Variants in PARD3B observed in about 807,000 individuals in gnomAD.
PARD3B encodes partitioning defective 3 homolog B.
Under a neutral mutation model 130.2 loss-of-function variants are expected in PARD3B, and 103 were observed. The ratio of observed to expected loss-of-function variants is 0.79; its 90% CI spans 0.67 to 0.93. The LOEUF is 0.93. Ranked by LOEUF, PARD3B falls within the 40% of genes least tolerant of loss-of-function variation. The pLI is 0.00. For missense variants in PARD3B, 1,609 were observed against 1,499.2 expected, an observed-to-expected ratio of 1.07 and a Z score of -1.21; for synonymous variants, 583 against 553.2, an observed-to-expected ratio of 1.05 and a Z score of -0.76.
intron 2 of PARD3B, among the ~76,000 whole-genome samples, chr2:204,955,417 C>A (rs549547889): frequency 9.9e-5 from 15 of 152,126 alleles, no homozygotes; most frequent in Admixed American, 7.2e-4. Context: ...TGCATAGGAA[C>A]GTATGTGGCA....
At chr2:205,024,822 G>T (rs902357971) in intron 3 of PARD3B, among the ~76,000 whole-genome samples, 3 of 152,156 alleles carry the variant, frequency 2.0e-5, no homozygotes, top group Non-Finnish European at 4.4e-5. Flanking sequence ...TGATCATGTG[G>T]TTTTCTCTGG....
In PARD3B at chr2:205,279,414, A is replaced by G. The variant is rs555110051; in HGVS notation, c.2186-21116A>G. 9.9e-4 allele frequency among the ~76,000 whole-genome samples: 151 copies of G among 152,274 alleles called. 1 individual carries two copies. The highest frequency in any genetic ancestry group is 3.4e-3 in the Middle Eastern group (1 of 294). ...CTCGTCCTATTCATGGATTTCATCC[A>G]TGATTCATTTTCCTCATTATATTTT... is the stretch of plus-strand genomic sequence containing the variant. On this transcript the variant is annotated intron_variant, in intron 16 of 22. Transcript: ENST00000406610.
intron 15 of PARD3B, among the ~76,000 whole-genome samples, chr2:205,231,970 A>G (rs2125895712): frequency 6.6e-6 from 1 of 152,364 alleles, no homozygotes; most frequent in Middle Eastern, 3.4e-3. Flanking sequence ...TCCCACCCAC[A>G]AGATTGGAGA....
intron 20 of PARD3B, among the ~76,000 whole-genome samples, chr2:205,451,575 G>A (rs1290313810): frequency 6.6e-6 from 1 of 151,862 alleles, no homozygotes; most frequent in Non-Finnish European, 1.5e-5. Flanking sequence ...TTAACTCCCT[G>A]TGAGAGGCTA....
At chr2:204,804,587 A>G (rs1337068684) in intron 2 of PARD3B, among the ~76,000 whole-genome samples, 1 of 152,204 alleles carries the variant, frequency 6.6e-6, no homozygotes, top group Non-Finnish European at 1.5e-5. Flanking sequence ...GATCATCCAG[A>G]GTATCAACAA....
Position 205,292,862 on chromosome 2 carries a change from A to G in PARD3B, c.2186-7668A>G, listed in dbSNP as rs2041658824. 1.3e-5 allele frequency among the ~76,000 whole-genome samples: 2 copies of G among 152,208 alleles called. No individual in the cohort carries two copies. Among genetic ancestry groups the G allele is most frequent in the Admixed American group, 1.3e-4 (2 of 15,274 alleles). Reference sequence around the variant, plus strand: ...TTTATCTTCCATTCCTCTTAGGACCAAGCACAGTTATGAGCCACAAAAAAT... The same window carrying G: ...TTTATCTTCCATTCCTCTTAGGACCGAGCACAGTTATGAGCCACAAAAAAT... On this transcript the variant is annotated intron_variant, in intron 16 of 22. Coordinates refer to ENST00000406610, the MANE Select transcript of PARD3B (RefSeq NM_001302769.2). The surrounding 1 kb of genome is among the most constrained non-coding windows in gnomAD (Gnocchi z 5.3).
Position 205,158,223 on chromosome 2 carries a change from T to G in PARD3B, c.1435-499T>G, listed in dbSNP as rs2034298099. On this transcript the variant is annotated intron_variant, in intron 10 of 22. Transcript: ENST00000406610. This position sits in a 1 kb window ranked among gnomAD's most constrained non-coding sequence, Gnocchi z 5.4. The stretch of plus-strand genomic sequence containing the variant: ...TCTTATTAACAAACTTTACCAATAG[T>G]GTTGTTTCCATAGTAAATGATATGT... 6.6e-6 allele frequency among the ~76,000 whole-genome samples: 1 copy of G among 152,138 alleles called. No individual in the cohort carries two copies.
At chr2:204,719,601 A>T (rs948800455) in intron 2 of PARD3B, among the ~76,000 whole-genome samples, 2 of 152,164 alleles carry the variant, frequency 1.3e-5, no homozygotes, top group Non-Finnish European at 2.9e-5. Flanking sequence ...CTTTTCACAT[A>T]GTTCTTGCAT....
intron 2 of PARD3B, among the ~76,000 whole-genome samples, chr2:204,834,842 T>A (rs952497816): frequency 6.6e-6 from 1 of 152,200 alleles, no homozygotes; most frequent in African/African-American, 2.4e-5. Context: ...AAAAGGCACC[T>A]GCATTTCATG....
At chr2:204,835,226 C>T (rs2043984723) in intron 2 of PARD3B, among the ~76,000 whole-genome samples, 1 of 152,208 alleles carries the variant, frequency 6.6e-6, no homozygotes, top group Non-Finnish European at 1.5e-5. Context: ...GACAAGCTCA[C>T]GTTCCACTGG....
intron 3 of PARD3B, among the ~76,000 whole-genome samples, chr2:205,023,751 C>G (rs1480221296): frequency 1.3e-5 from 2 of 151,986 alleles, no homozygotes; most frequent in East Asian, 3.9e-4. Context: ...AGGCTTTTCT[C>G]TTTTAAAGGA....
chr2:204,912,779 A>G (rs757211707), intron 2 of PARD3B, among the ~76,000 whole-genome samples: 33 of 152,176 alleles, frequency 2.2e-4, no homozygotes, highest in Non-Finnish European at 7.3e-5. Context: ...ATTAGTAAGA[A>G]ATGTGTGGAT....
chr2:205,358,829 T>A (rs2044289033), intron 18 of PARD3B, among the ~76,000 whole-genome samples: 1 of 152,218 alleles, frequency 6.6e-6, no homozygotes, highest in African/African-American at 2.4e-5. Flanking sequence ...TTAGCATTTA[T>A]CATTATCAAA....
At chr2:204,888,107 C>A (rs918509408) in intron 2 of PARD3B, among the ~76,000 whole-genome samples, 1 of 151,994 alleles carries the variant, frequency 6.6e-6, no homozygotes, top group Non-Finnish European at 1.5e-5. Flanking sequence ...GCAGGCAAGG[C>A]ACAAGCACCA....
At chr2:204,628,772 G>C (rs946893651) in intron 1 of PARD3B, among the ~76,000 whole-genome samples, 1 of 152,118 alleles carries the variant, frequency 6.6e-6, no homozygotes, top group Non-Finnish European at 1.5e-5. Flanking sequence ...TTAAAAGTTT[G>C]TGCATTGGTA....
intron 15 of PARD3B, among the ~76,000 whole-genome samples, chr2:205,206,551 AT>A (rs573319420): frequency 3.7e-4 from 56 of 151,166 alleles, no homozygotes; most frequent in African/African-American, 1.2e-3. Context: ...TGAACTCATC[AT>A]TTTTTATGGC....
intron 1 of PARD3B, among the ~76,000 whole-genome samples, chr2:204,587,141 G>A (rs544504454): frequency 4.7e-4 from 72 of 152,196 alleles, no homozygotes; most frequent in South Asian, 2.5e-3. Context: ...AATGCCAGGA[G>A]GTTTGCCAAT....
intron 2 of PARD3B, among the ~76,000 whole-genome samples, chr2:204,718,774 A>G (rs1200323595): frequency 6.6e-6 from 1 of 152,220 alleles, no homozygotes; most frequent in Non-Finnish European, 1.5e-5. Context: ...GCCAAGCCAA[A>G]CAAGCCCTTG....
At chr2:205,299,946 A>T (rs975695190) in intron 16 of PARD3B, among the ~76,000 whole-genome samples, 9 of 152,224 alleles carry the variant, frequency 5.9e-5, no homozygotes, top group African/African-American at 2.2e-4. Flanking sequence ...CAATAGGGTA[A>T]GGTAAAGTGT....
Sources: allele counts gnomAD v4.1 joint callset (sites outside exome capture counted in the v4.1 genomes callset), GRCh38; gene constraint gnomAD v4.1.1; non-coding constraint Gnocchi (gnomAD v3.1); transcripts MANE v1.5; gene names NCBI Gene and HGNC (gene_info 2026-07-23, HGNC 2026-07-21).